Variants in BTRC observed in about 807,000 individuals in gnomAD.
BTRC encodes beta-transducin repeat containing E3 ubiquitin protein ligase.
In BTRC, 42 loss-of-function variants were observed where a neutral mutation model predicts 85.5. The observed-to-expected ratio is 0.49, with a 90% CI of 0.38 to 0.64. The LOEUF (loss-of-function observed/expected upper bound fraction) is 0.64, where lower values mean the gene tolerates loss of function less well. Ranked by LOEUF, BTRC falls within the 30% of genes least tolerant of loss-of-function variation. The probability of loss-of-function intolerance (pLI) is 0.00; values close to 1 mark genes in which losing one functional copy is unlikely to be tolerated. For synonymous variants in BTRC, 255 were observed against 263.3 expected (o/e 0.97, Z 0.30); for missense variants, 594 against 743.5 (o/e 0.80, Z 2.34).
chr10:101,491,820 A>C (rs1318338264), intron 4 of BTRC, among the ~76,000 whole-genome samples: 1 of 152,200 alleles, frequency 6.6e-6, no homozygotes, highest in Admixed American at 6.5e-5. Flanking sequence ...GGTCATGAGA[A>C]TGTAGCTGGA....
intron 13 of BTRC, among the ~76,000 whole-genome samples, chr10:101,542,111 A>G (rs968782092): frequency 3.9e-5 from 6 of 152,220 alleles, no homozygotes; most frequent in Non-Finnish European, 7.3e-5. Context: ...AGCACTCTTC[A>G]GATTTAATAT....
intron 4 of BTRC, among the ~76,000 whole-genome samples, chr10:101,497,555 A>T (rs1030414090): frequency 6.6e-6 from 1 of 152,102 alleles, no homozygotes; most frequent in African/African-American, 2.4e-5. Flanking sequence ...TATAAAAAAA[A>T]TTTATCCAGG....
intron 4 of BTRC, among the ~76,000 whole-genome samples, chr10:101,496,290 A>G (rs1946258218): frequency 6.6e-6 from 1 of 152,232 alleles, no homozygotes. Context: ...ACCAATTTTT[A>G]TACAGCAGTG....
chr10:101,523,753 G>A (rs2062153161), intron 5 of BTRC, among the ~76,000 whole-genome samples: 1 of 152,032 alleles, frequency 6.6e-6, no homozygotes, highest in South Asian at 2.1e-4. Flanking sequence ...TTCTCTTAAT[G>A]TATTTTTCTA....
intron 2 of BTRC, among the ~76,000 whole-genome samples, chr10:101,437,250 C>T (rs1039469873): frequency 4.6e-5 from 7 of 152,086 alleles, no homozygotes; most frequent in Non-Finnish European, 2.9e-5. Flanking sequence ...ATGTTTTGTT[C>T]TCCTAATAAA....
At position 101,539,749 on chromosome 10, in the gene BTRC, A is replaced by G. The variant is rs539828308; in HGVS notation, c.1656+1378A>G. Reference sequence around the variant, plus strand: ...ATGTTTAAAATTTTTAGAAACTGCCAAACTGTTTTTCAAAGTGGTTTACCC... The same window carrying G: ...ATGTTTAAAATTTTTAGAAACTGCCGAACTGTTTTTCAAAGTGGTTTACCC... On this transcript the variant is annotated intron_variant, in intron 13 of 14. Transcript: ENST00000370187. 1.8e-4 allele frequency among the ~76,000 whole-genome samples: 28 copies of G among 152,344 alleles called. No individual in the cohort carries two copies. The South Asian group carries it at 5.6e-3, about 30-fold the overall frequency.
chr10:101,538,348 A>G lies in BTRC; in HGVS notation c.1633A>G (p.Thr545Ala), dbSNP rs1252579147. 6.2e-7 allele frequency: 1 copy of G among 1,613,840 alleles called. No homozygotes were observed. The highest frequency in any genetic ancestry group is 1.3e-5 in the African/African-American group (1 of 74,912). The stretch of plus-strand genomic sequence containing the variant: ...TTTGGACCCCCGTGCTCCTGCAGGG[A>G]CACTCTGTCTACGGACCCTTGTGGT... The part of the protein sequence containing the change: ...AALDPRAPAG[T>A]LCLRTLVEHS... Residue 545 changes from threonine to alanine, a missense_variant, in exon 13 of 15, where the codon ACA becomes GCA. Transcript: ENST00000370187.
chr10:101,535,218 T>G, intron 10 of BTRC, 136 bp from the exon 11 acceptor site: 1 of 778,420 alleles, frequency 1.3e-6, no homozygotes, highest in South Asian at 1.7e-5. Context: ...ATTTAAATTG[T>G]CCTTTGTTTT....
At chr10:101,366,976 T>TTTTATATATTAATA (rs1564730638) in intron 1 of BTRC, among the ~76,000 whole-genome samples, 1 of 58,806 alleles carries the variant, frequency 1.7e-5, no homozygotes, top group Non-Finnish European at 3.2e-5. Flanking sequence ...AAATATATAT[T>TTTTATATATTAATA]TATATATTTA....
intron 1 of BTRC, among the ~76,000 whole-genome samples, chr10:101,365,308 G>C (rs988786156): frequency 3.3e-5 from 5 of 149,286 alleles, no homozygotes; most frequent in African/African-American, 1.2e-4. Context: ...CCGGATCTCA[G>C]GTGATCTGCC....
chr10:101,423,713 A>G (rs756958877), intron 1 of BTRC, among the ~76,000 whole-genome samples: 1 of 152,244 alleles, frequency 6.6e-6, no homozygotes, highest in Non-Finnish European at 1.5e-5. Flanking sequence ...GGTAATGCTT[A>G]AATGAAATAA....
chr10:101,387,084 C>A (rs1311574087), intron 1 of BTRC, among the ~76,000 whole-genome samples: 1 of 152,118 alleles, frequency 6.6e-6, no homozygotes, highest in Non-Finnish European at 1.5e-5. Flanking sequence ...CATGTCATTA[C>A]ATGCATTGAT....
At chr10:101,389,640 G>C (rs1476221031) in intron 1 of BTRC, among the ~76,000 whole-genome samples, 1 of 63,884 alleles carries the variant, frequency 1.6e-5, no homozygotes, top group Non-Finnish European at 2.7e-5. Flanking sequence ...TTTTTTTTGA[G>C]ACAGGGTCTT....
At chr10:101,494,383 A>G (rs12771904) in intron 4 of BTRC, among the ~76,000 whole-genome samples, 1 of 152,202 alleles carries the variant, frequency 6.6e-6, no homozygotes, top group Non-Finnish European at 1.5e-5. Context: ...AATGGCAACC[A>G]TTTCTCTAGG....
chr10:101,377,289 A>G (rs190213265), intron 1 of BTRC, among the ~76,000 whole-genome samples: 1 of 152,310 alleles, frequency 6.6e-6, no homozygotes, highest in East Asian at 1.9e-4. Flanking sequence ...CAGACTGTTT[A>G]TTCACTCCTG....
chr10:101,387,528 C>T (rs1273979854), intron 1 of BTRC, among the ~76,000 whole-genome samples: 82 of 45,082 alleles, frequency 1.8e-3, no homozygotes, highest in South Asian at 4.9e-3. Context: ...CTTCATGGGA[C>T]TTTTTTTTTT....
At chr10:101,357,327 G>A (rs1409674944) in intron 1 of BTRC, among the ~76,000 whole-genome samples, 2 of 150,576 alleles carry the variant, frequency 1.3e-5, no homozygotes, top group African/African-American at 4.9e-5. Context: ...TGTAGTCCCA[G>A]CTACTCGGGA....
intron 4 of BTRC, among the ~76,000 whole-genome samples, chr10:101,506,711 C>CA (rs1435571304): frequency 2.6e-5 from 4 of 152,166 alleles, no homozygotes; most frequent in African/African-American, 9.7e-5. Context: ...AGTTGACTAA[C>CA]CCTAGGTATG....
chr10:101,411,533 G>A (rs900067665), intron 1 of BTRC, among the ~76,000 whole-genome samples: 6 of 151,890 alleles, frequency 4.0e-5, no homozygotes, highest in African/African-American at 1.5e-4. Context: ...TTGCTTCCTC[G>A]GGTTCACTGA....
Sources: allele counts gnomAD v4.1 joint callset (sites outside exome capture counted in the v4.1 genomes callset), GRCh38; gene constraint gnomAD v4.1.1; transcripts MANE v1.5; gene names NCBI Gene and HGNC (gene_info 2026-07-23, HGNC 2026-07-21).